CERS6: variants seen among roughly 807,000 people sequenced by gnomAD.
CERS6 encodes ceramide synthase 6.
CERS6 carries 26 observed loss-of-function variants against 56.8 expected under a neutral mutation model. The observed-to-expected ratio is 0.46, with a 90% CI of 0.34 to 0.63. The LOEUF (loss-of-function observed/expected upper bound fraction) is 0.63. Among genes scored for constraint, CERS6 ranks in the 30% least tolerant of loss-of-function variants. The probability of loss-of-function intolerance (pLI) is 0.01; values close to 1 mark genes in which losing one functional copy is unlikely to be tolerated. For missense variants in CERS6, 415 were observed against 467.5 expected (o/e 0.89, Z 1.04); for synonymous variants, 164 against 173.3 (o/e 0.95, Z 0.42).
intron 6 of CERS6, among the ~76,000 whole-genome samples, chr2:168,706,385 T>C (rs977352172): frequency 6.6e-6 from 1 of 152,238 alleles, no homozygotes; most frequent in African/African-American, 2.4e-5. Context: ...GAGTTCTTGA[T>C]CTTGAAATGG....
At chr2:168,649,223 C>T (rs527598348) in intron 4 of CERS6, among the ~76,000 whole-genome samples, 3 of 152,156 alleles carry the variant, frequency 2.0e-5, no homozygotes, top group Non-Finnish European at 2.9e-5. Context: ...CCTGGCCCTC[C>T]GAGGTCTGTG....
chr2:168,551,555 T>C (rs1318066617), intron 2 of CERS6, among the ~76,000 whole-genome samples: 4 of 152,216 alleles, frequency 2.6e-5, no homozygotes, highest in African/African-American at 7.2e-5. Context: ...ATGAAGCTCA[T>C]TTGTAAAAAT....
At chr2:168,652,653 T>C (rs1441384280) in intron 4 of CERS6, among the ~76,000 whole-genome samples, 1 of 151,990 alleles carries the variant, frequency 6.6e-6, no homozygotes, top group Non-Finnish European at 1.5e-5. Context: ...ATTTAAAGCT[T>C]AATCGGATTT....
intron 1 of CERS6, among the ~76,000 whole-genome samples, chr2:168,501,006 C>T (rs139593278): frequency 3.3e-5 from 5 of 152,232 alleles, no homozygotes; most frequent in African/African-American, 1.2e-4. Flanking sequence ...TGGGTATTTC[C>T]CCATTTACAT....
chr2:168,733,916 T>G (rs1402945654), intron 8 of CERS6, among the ~76,000 whole-genome samples: 2 of 152,184 alleles, frequency 1.3e-5, no homozygotes, highest in Non-Finnish European at 2.9e-5. Flanking sequence ...GCCAATACTT[T>G]GCTTCAAAAT....
chr2:168,639,499 A>AT (rs1275355467), intron 4 of CERS6, among the ~76,000 whole-genome samples: 4 of 152,250 alleles, frequency 2.6e-5, no homozygotes, highest in African/African-American at 9.6e-5. Flanking sequence ...TGGCGTTCAC[A>AT]TACCATGATC....
intron 4 of CERS6, among the ~76,000 whole-genome samples, chr2:168,654,413 T>G (rs899189479): frequency 1.3e-5 from 2 of 152,030 alleles, no homozygotes; most frequent in African/African-American, 4.8e-5. Context: ...CATGGTAGTG[T>G]GCACCTGTGA....
intron 1 of CERS6, among the ~76,000 whole-genome samples, chr2:168,543,423 A>G (rs1330681846): frequency 4.6e-5 from 7 of 152,164 alleles, no homozygotes; most frequent in African/African-American, 1.4e-4. Context: ...TCAAAATGTT[A>G]TGAAAGACAG....
intron 4 of CERS6, among the ~76,000 whole-genome samples, chr2:168,669,366 T>C (rs529152807): frequency 7.2e-5 from 11 of 152,332 alleles, no homozygotes; most frequent in Non-Finnish European, 1.2e-4. Flanking sequence ...CACACCATTT[T>C]CACTTCATAG....
chr2:168,655,318 G>T (rs1008219829), intron 4 of CERS6, among the ~76,000 whole-genome samples: 3 of 152,198 alleles, frequency 2.0e-5, no homozygotes, highest in African/African-American at 7.2e-5. Context: ...AAAACAGTGT[G>T]AAGTTTCCTA....
intron 2 of CERS6, among the ~76,000 whole-genome samples, chr2:168,559,755 T>TATATATATATATATATATATA (rs1412617679): frequency 6.8e-5 from 1 of 14,806 alleles, no homozygotes; most frequent in Middle Eastern, 0.042. Flanking sequence ...ATATATATAT[T>TATATATATATATATATATATA]TCACCCTTAT....
chr2:168,593,526 GTGTTTTGTTT>G (rs148109520), intron 3 of CERS6, among the ~76,000 whole-genome samples: 30,000 of 151,640 alleles, frequency 0.2, 3,831 homozygotes, highest in African/African-American at 0.37. Context: ...GAGTTTCTGT[GTGTTTTGTTT>G]TGTTTTGTTT....
At chr2:168,726,120 G>A (rs979027520) in intron 8 of CERS6, among the ~76,000 whole-genome samples, 6 of 152,148 alleles carry the variant, frequency 3.9e-5, no homozygotes, top group African/African-American at 1.4e-4. Flanking sequence ...AGTGAATTAG[G>A]TACTCTTTAA....
chr2:168,741,293 T>A (rs1683894363), intron 8 of CERS6, among the ~76,000 whole-genome samples: 1 of 151,120 alleles, frequency 6.6e-6, no homozygotes, highest in South Asian at 2.1e-4. Context: ...ATGGGAAATA[T>A]GAGTTTGATT....
intron 4 of CERS6, among the ~76,000 whole-genome samples, chr2:168,652,476 T>A (rs1409708359): frequency 2.0e-5 from 3 of 151,924 alleles, no homozygotes; most frequent in Non-Finnish European, 4.4e-5. Context: ...ATCTGAAAAC[T>A]CAAACATAAA....
intron 1 of CERS6, among the ~76,000 whole-genome samples, chr2:168,540,595 A>G (rs1695349794): frequency 6.6e-6 from 1 of 152,220 alleles, no homozygotes; most frequent in Non-Finnish European, 1.5e-5. Flanking sequence ...GGACACTGTG[A>G]TACTCATACA....
chr2:168,646,051 T>C lies in CERS6; in HGVS notation c.465+15009T>C, dbSNP rs1028188195. 5.9e-5 allele frequency among the ~76,000 whole-genome samples: 9 copies of C among 152,358 alleles called. No homozygotes were observed. The South Asian group carries it at 1.7e-3, about 28-fold the overall frequency. The stretch of plus-strand genomic sequence containing the variant: ...AATGATTCATATTCCTCTGGGTATA[T>C]ACCCAGTAATGGGATTGCTGGGTTA... On this transcript the variant is annotated intron_variant, in intron 4 of 9. Coordinates refer to ENST00000305747, the MANE Select transcript of CERS6 (RefSeq NM_203463.3).
chr2:168,513,254 C>A (rs1012584407), intron 1 of CERS6, among the ~76,000 whole-genome samples: 1 of 152,182 alleles, frequency 6.6e-6, no homozygotes, highest in Non-Finnish European at 1.5e-5. Context: ...TAACCTCTTA[C>A]ATTAATGTAG....
intron 6 of CERS6, among the ~76,000 whole-genome samples, chr2:168,695,927 G>A (rs1686634282): frequency 6.6e-6 from 1 of 152,114 alleles, no homozygotes; most frequent in African/African-American, 2.4e-5. Flanking sequence ...AAAATGCTCT[G>A]AAATTTGATA....
Sources: allele counts gnomAD v4.1 joint callset (sites outside exome capture counted in the v4.1 genomes callset), GRCh38; gene constraint gnomAD v4.1.1; transcripts MANE v1.5; gene names NCBI Gene and HGNC (gene_info 2026-07-23, HGNC 2026-07-21).